Variants in KIAA1549L observed in about 807,000 individuals in gnomAD.
KIAA1549L encodes the protein UPF0606 protein KIAA1549L.
In KIAA1549L, 88 loss-of-function variants were observed where a neutral mutation model predicts 160.7. The ratio of observed to expected loss-of-function variants is 0.55; its 90% confidence interval spans 0.46 to 0.65. KIAA1549L has a LOEUF of 0.65. KIAA1549L is among the 30% of genes least tolerant of loss of function. KIAA1549L has a pLI of 0.00. For synonymous variants in KIAA1549L, 950 were observed against 976.7 expected (o/e 0.97, Z 0.51); for missense variants, 2,258 against 2,437.5 (o/e 0.93, Z 1.55).
At chr11:33,607,179 TGTA>T (rs1850529100) in intron 14 of KIAA1549L, among the ~76,000 whole-genome samples, 1 of 152,134 alleles carries the variant, frequency 6.6e-6, no homozygotes. Context: ...GGATGTTGCT[TGTA>T]GTGGGGATGG....
intron 1 of KIAA1549L, among the ~76,000 whole-genome samples, chr11:33,529,544 A>G (rs1853691016): frequency 1.3e-5 from 2 of 152,184 alleles, no homozygotes; most frequent in Admixed American, 6.5e-5. Flanking sequence ...TCCTCTTCTT[A>G]GAAAGGAGCA....
At chr11:33,559,169 C>T (rs971623595) in intron 6 of KIAA1549L, among the ~76,000 whole-genome samples, 7 of 152,112 alleles carry the variant, frequency 4.6e-5, no homozygotes, top group South Asian at 2.1e-4. Flanking sequence ...GGTTCTGTCG[C>T]TCTGCCCGTG....
At chr11:33,460,696 T>G (rs1851924853) in intron 1 of KIAA1549L, among the ~76,000 whole-genome samples, 1 of 152,216 alleles carries the variant, frequency 6.6e-6, no homozygotes, top group Non-Finnish European at 1.5e-5. Context: ...CTTGGGATAG[T>G]ACGTTTAATT....
chr11:33,437,300 G>A (rs372082863), intron 1 of KIAA1549L, among the ~76,000 whole-genome samples: 2 of 152,258 alleles, frequency 1.3e-5, no homozygotes, highest in East Asian at 1.9e-4. Flanking sequence ...TGGAAAAAAG[G>A]GCTTTTACTT....
At position 33,561,303 on chromosome 11, in the gene KIAA1549L, A is replaced by C. The variant is rs976876217; in HGVS notation, c.4019-373A>C. Among the ~76,000 whole-genome samples the C allele has an allele frequency of 4.6e-5, 7 of 152,244 alleles. 1 individual carries two copies. Among genetic ancestry groups the C allele is most frequent in the Admixed American group, 3.9e-4 (6 of 15,282 alleles). ...ATTTTGATGAAAAAACGGAAAGGGC[A>C]GAAACTCACAAATCCTAGAAAACTC... On this transcript the variant is annotated intron_variant, in intron 7 of 20. Coordinates refer to ENST00000658780, the MANE Select transcript of KIAA1549L (RefSeq NM_012194.3).
intron 1 of KIAA1549L, among the ~76,000 whole-genome samples, chr11:33,416,371 G>A (rs1850889460): frequency 1.3e-5 from 2 of 151,852 alleles, no homozygotes; most frequent in Non-Finnish European, 2.9e-5. Context: ...TTGAGATTCT[G>A]TAGATTTTGT....
rs1209747356 is a variant in KIAA1549L at position 33,376,200 on chromosome 11, G to T, written c.-452G>T. Among the ~76,000 whole-genome samples the T allele has an allele frequency of 6.7e-6, 1 of 149,522 alleles. No individual in the cohort carries two copies. The highest frequency in any genetic ancestry group is 6.6e-5 in the Admixed American group (1 of 15,056). On this transcript the variant is annotated 5_prime_UTR_variant, in exon 1 of 21. Transcript: ENST00000658780. This position sits in a 1 kb window ranked among gnomAD's most constrained non-coding sequence, Gnocchi z 5.8. ...TGGAACCCGAAGCCCAGCGAGGAGC[G>T]AGGAGCGAGGAGCCAGGACAGCGGG...
intron 1 of KIAA1549L, among the ~76,000 whole-genome samples, chr11:33,474,522 C>T (rs1045997300): frequency 1.3e-5 from 2 of 152,174 alleles, no homozygotes; most frequent in African/African-American, 4.8e-5. Flanking sequence ...TGACAATATG[C>T]GATTCTAAGA....
intron 1 of KIAA1549L, among the ~76,000 whole-genome samples, chr11:33,457,514 C>G (rs1387750010): frequency 6.6e-6 from 1 of 152,184 alleles, no homozygotes; most frequent in Non-Finnish European, 1.5e-5. Flanking sequence ...CTCCCGCATC[C>G]TAGGTGAGGA....
At chr11:33,378,532 G>T (rs1590208640) in intron 1 of KIAA1549L, among the ~76,000 whole-genome samples, 1 of 152,094 alleles carries the variant, frequency 6.6e-6, no homozygotes, top group African/African-American at 2.4e-5. Flanking sequence ...TGGGGATACG[G>T]GGCTGGGAAA....
intron 12 of KIAA1549L, among the ~76,000 whole-genome samples, chr11:33,596,303 G>A (rs1171424160): frequency 6.6e-6 from 1 of 152,182 alleles, no homozygotes; most frequent in Non-Finnish European, 1.5e-5. Flanking sequence ...CTGTAAATGT[G>A]TCTATAAACA....
intron 1 of KIAA1549L, among the ~76,000 whole-genome samples, chr11:33,424,797 C>G (rs1213820681): frequency 1.3e-5 from 2 of 152,182 alleles, no homozygotes; most frequent in Non-Finnish European, 2.9e-5. Context: ...AAATATACTC[C>G]TCTCCAAGTA....
chr11:33,466,724 T>G (rs548900436), intron 1 of KIAA1549L, among the ~76,000 whole-genome samples: 1 of 152,236 alleles, frequency 6.6e-6, no homozygotes, highest in Non-Finnish European at 1.5e-5. Flanking sequence ...AACCCAAATG[T>G]CCATCAATAA....
At chr11:33,581,960 A>T (rs1384452628) in intron 10 of KIAA1549L, among the ~76,000 whole-genome samples, 1 of 152,198 alleles carries the variant, frequency 6.6e-6, no homozygotes, top group African/African-American at 2.4e-5. Flanking sequence ...GCATGTATTT[A>T]TTTAGGGTAT....
At chr11:33,473,541 C>T (rs369248339) in intron 1 of KIAA1549L, among the ~76,000 whole-genome samples, 2 of 152,212 alleles carry the variant, frequency 1.3e-5, no homozygotes, top group African/African-American at 4.8e-5. Context: ...TAGTTACCTT[C>T]TCAAAGGCCC....
At chr11:33,414,170 T>G (rs1850838509) in intron 1 of KIAA1549L, among the ~76,000 whole-genome samples, 1 of 152,216 alleles carries the variant, frequency 6.6e-6, no homozygotes, top group South Asian at 2.1e-4. Context: ...TCTATTAAAA[T>G]TATAGTTTGT....
intron 1 of KIAA1549L, among the ~76,000 whole-genome samples, chr11:33,455,441 G>A (rs984495623): frequency 6.6e-6 from 1 of 152,296 alleles, no homozygotes; most frequent in South Asian, 2.1e-4. Flanking sequence ...GTCAGGGGGA[G>A]ACAAGATTCC....
chr11:33,651,003 G>C (rs538295614), intron 17 of KIAA1549L, among the ~76,000 whole-genome samples: 2 of 152,164 alleles, frequency 1.3e-5, no homozygotes, highest in Admixed American at 6.5e-5. Flanking sequence ...AGGACAGAAG[G>C]CCCCTTTTCC....
chr11:33,486,833 C>G (rs1253220174), intron 1 of KIAA1549L, among the ~76,000 whole-genome samples: 1 of 152,140 alleles, frequency 6.6e-6, no homozygotes, highest in Non-Finnish European at 1.5e-5. Flanking sequence ...CATAGAAGCC[C>G]CACTGCTGAT....
Sources: gnomAD v4.1 joint callset for allele counts (sites outside exome capture counted in the v4.1 genomes callset) on GRCh38, gnomAD v4.1.1 for gene constraint, Gnocchi (gnomAD v3.1) non-coding constraint, MANE v1.5 for transcripts, NCBI Gene and HGNC (gene_info 2026-07-23, HGNC 2026-07-21) for gene names.